KALRN: variants seen among roughly 807,000 people sequenced by gnomAD.
KALRN encodes kalirin RhoGEF kinase, also known as kalirin.
In KALRN, 70 loss-of-function variants were observed where a neutral mutation model predicts 353.7. The observed-to-expected ratio is 0.20, with a 90% CI of 0.16 to 0.24. The LOEUF (loss-of-function observed/expected upper bound fraction) is 0.24. Among genes scored for constraint, KALRN ranks in the 10% least tolerant of loss-of-function variants. The pLI, the probability that KALRN is intolerant of heterozygous loss-of-function variation, is 1.00. For synonymous variants in KALRN, 1,391 were observed against 1,434.8 expected, an observed-to-expected ratio of 0.97 and a Z score of 0.69; for missense variants, 2,791 against 3,756.7, an observed-to-expected ratio of 0.74 and a Z score of 6.72.
chr3:124,363,930 C>T (rs561126283), intron 10 of KALRN, among the ~76,000 whole-genome samples: 2 of 152,346 alleles, frequency 1.3e-5, no homozygotes, highest in Non-Finnish European at 2.9e-5. Flanking sequence ...TTAGAGTTCT[C>T]CATCAGTTTC....
intron 34 of KALRN, among the ~76,000 whole-genome samples, chr3:124,566,578 G>A (rs1431939166): frequency 6.6e-6 from 1 of 151,632 alleles, no homozygotes; most frequent in African/African-American, 2.4e-5. Context: ...GACCCCATTT[G>A]AAAGTGTGTG....
chr3:124,254,422 CAAAAAAAAAAAAAAAAA>C (rs35522040), intron 3 of KALRN, among the ~76,000 whole-genome samples: 5 of 121,264 alleles, frequency 4.1e-5, no homozygotes, highest in African/African-American at 7.0e-5. Context: ...ATCTATGAAG[CAAAAAAAAAAAAAAAAA>C]AAAAAAAAAA....
At chr3:124,144,659 T>C (rs949266177) in intron 1 of KALRN, among the ~76,000 whole-genome samples, 1 of 108,140 alleles carries the variant, frequency 9.2e-6, no homozygotes, top group Non-Finnish European at 2.1e-5. Flanking sequence ...CCTCATCCTC[T>C]TCCTCTTCCT....
At chr3:124,442,430 T>C (rs568669422) in intron 19 of KALRN, among the ~76,000 whole-genome samples, 23 of 152,308 alleles carry the variant, frequency 1.5e-4, no homozygotes, top group East Asian at 7.7e-4. Flanking sequence ...TATTAACTAA[T>C]TTAAATGTAA....
intron 39 of KALRN, among the ~76,000 whole-genome samples, chr3:124,655,995 T>C (rs1462236630): frequency 1.3e-5 from 2 of 152,216 alleles, no homozygotes; most frequent in Non-Finnish European, 2.9e-5. Flanking sequence ...TGTGGACATA[T>C]ATTCTTCAGA....
intron 14 of KALRN, among the ~76,000 whole-genome samples, chr3:124,421,097 T>C (rs2092759680): frequency 1.3e-5 from 2 of 152,148 alleles, no homozygotes; most frequent in South Asian, 2.1e-4. Context: ...CAAACCTGCA[T>C]TGGGTCTAGA....
intron 34 of KALRN, among the ~76,000 whole-genome samples, chr3:124,621,495 G>A (rs931911309): frequency 2.0e-4 from 30 of 152,292 alleles, no homozygotes; most frequent in African/African-American, 7.2e-4. Flanking sequence ...TTGAGACTTG[G>A]GGATGACTAA....
intron 34 of KALRN, among the ~76,000 whole-genome samples, chr3:124,589,579 G>A (rs1456551548): frequency 6.6e-6 from 1 of 152,184 alleles, no homozygotes; most frequent in Admixed American, 6.5e-5. Context: ...GTGACAGAGT[G>A]AGACCCTGTT....
intron 5 of KALRN, among the ~76,000 whole-genome samples, chr3:124,276,517 G>A (rs752712819): frequency 4.6e-5 from 7 of 152,102 alleles, no homozygotes; most frequent in Non-Finnish European, 1.0e-4. Context: ...CTTCCCTGGT[G>A]GACCCTGGCC....
chr3:124,208,184 T>C (rs1256819553), intron 1 of KALRN, among the ~76,000 whole-genome samples: 1 of 152,232 alleles, frequency 6.6e-6, no homozygotes, highest in Non-Finnish European at 1.5e-5. Flanking sequence ...TTACACATTG[T>C]CTTCTAACAC....
intron 25 of KALRN, among the ~76,000 whole-genome samples, chr3:124,470,528 GTT>G (rs34633804): frequency 1.5e-5 from 1 of 67,964 alleles, no homozygotes; most frequent in Non-Finnish European, 5.1e-5. Context: ...AGCTGAATAG[GTT>G]TTTTAAAAAA....
At chr3:124,402,260 C>G (rs992633137) in intron 13 of KALRN, among the ~76,000 whole-genome samples, 1 of 152,124 alleles carries the variant, frequency 6.6e-6, no homozygotes, top group Non-Finnish European at 1.5e-5. Flanking sequence ...TAGGGCATGC[C>G]CACATAAAGT....
At chr3:124,264,106 G>A (rs938136785) in intron 3 of KALRN, among the ~76,000 whole-genome samples, 6 of 150,528 alleles carry the variant, frequency 4.0e-5, no homozygotes, top group African/African-American at 1.5e-4. Flanking sequence ...TCTACTTGCC[G>A]GGTGAGTATC....
intron 28 of KALRN, among the ~76,000 whole-genome samples, chr3:124,486,507 C>G (rs560939382): frequency 3.4e-4 from 52 of 152,326 alleles, no homozygotes; most frequent in Non-Finnish European, 5.0e-4. Context: ...CCCTCTCAAA[C>G]ATGTGCTCTA....
intron 10 of KALRN, among the ~76,000 whole-genome samples, chr3:124,364,744 T>G (rs1224623364): frequency 6.6e-6 from 1 of 152,120 alleles, no homozygotes; most frequent in Non-Finnish European, 1.5e-5. Flanking sequence ...CCCACCAGCT[T>G]TCCACACCAG....
At chr3:124,630,705 C>T (rs1483383272) in intron 34 of KALRN, among the ~76,000 whole-genome samples, 1 of 152,248 alleles carries the variant, frequency 6.6e-6, no homozygotes, top group South Asian at 2.1e-4. Context: ...ACAGAACCTA[C>T]CTCATAGAGT....
At chr3:124,501,318 T>C (rs1257308579) in intron 33 of KALRN, among the ~76,000 whole-genome samples, 1 of 152,148 alleles carries the variant, frequency 6.6e-6, no homozygotes, top group Non-Finnish European at 1.5e-5. Flanking sequence ...TGAGGTGAAA[T>C]GTGGGCTGAT....
intron 49 of KALRN, among the ~76,000 whole-genome samples, chr3:124,676,931 A>G (rs1357176835): frequency 6.6e-6 from 1 of 152,204 alleles, no homozygotes; most frequent in Non-Finnish European, 1.5e-5. Flanking sequence ...GAAGGAGCCC[A>G]CTTTCCCACA....
intron 33 of KALRN, among the ~76,000 whole-genome samples, chr3:124,535,303 A>C (rs2068416977): frequency 6.6e-6 from 1 of 152,090 alleles, no homozygotes. Flanking sequence ...ATCATCAGTC[A>C]CTCCAAGTGT....
Sources: gnomAD v4.1 joint callset for allele counts (sites outside exome capture counted in the v4.1 genomes callset) on GRCh38, gnomAD v4.1.1 for gene constraint, MANE v1.5 for transcripts, NCBI Gene and HGNC (gene_info 2026-07-23, HGNC 2026-07-21) for gene names.